The following SUCLA2 variants were observed in gnomAD, a reference collection of about 807,000 sequenced individuals.
SUCLA2 encodes succinate--CoA ligase [ADP-forming] subunit beta, mitochondrial.
Under a neutral mutation model 54.8 loss-of-function variants are expected in SUCLA2, and 30 were observed. That is an observed-to-expected ratio of 0.55 (90% CI 0.41 to 0.74). The LOEUF (loss-of-function observed/expected upper bound fraction) is 0.74, where lower values mean the gene tolerates loss of function less well. Among genes scored for constraint, SUCLA2 ranks in the 30% least tolerant of loss-of-function variants. The probability of loss-of-function intolerance (pLI) is 0.00; values close to 1 mark genes in which losing one functional copy is unlikely to be tolerated. For missense variants in SUCLA2, 476 were observed against 562.9 expected, an observed-to-expected ratio of 0.85 and a Z score of 1.56; for synonymous variants, 172 against 188.9, an observed-to-expected ratio of 0.91 and a Z score of 0.74.
intron 8 of SUCLA2, among the ~76,000 whole-genome samples, chr13:47,950,140 T>A (rs968370212): frequency 3.9e-5 from 6 of 152,182 alleles, no homozygotes; most frequent in Non-Finnish European, 8.8e-5. Context: ...ATAACCCTTA[T>A]AAAGAAACAA....
chr13:47,984,319 G>A (rs533639121), intron 4 of SUCLA2, among the ~76,000 whole-genome samples: 138 of 151,182 alleles, frequency 9.1e-4, no homozygotes, highest in Non-Finnish European at 1.6e-3. Flanking sequence ...TCAGCCTCCC[G>A]AGTAGCTGGG....
chr13:47,984,583 A>C (rs1950086520), intron 4 of SUCLA2, among the ~76,000 whole-genome samples: 1 of 152,038 alleles, frequency 6.6e-6, no homozygotes, highest in Non-Finnish European at 1.5e-5. Flanking sequence ...CTTAAATGTA[A>C]AAGGCTTAAA....
intron 4 of SUCLA2, among the ~76,000 whole-genome samples, chr13:47,975,148 TTTTC>T (rs1049988650): frequency 1.3e-5 from 2 of 151,330 alleles, no homozygotes; most frequent in African/African-American, 2.4e-5. Flanking sequence ...CTAATTCCAC[TTTTC>T]TTTCTTTCTT....
At chr13:47,960,427 A>G (rs1593483360) in intron 6 of SUCLA2, among the ~76,000 whole-genome samples, 1 of 152,330 alleles carries the variant, frequency 6.6e-6, no homozygotes, top group East Asian at 1.9e-4. Context: ...ACACACAAAA[A>G]TAATAATAAA....
At chr13:47,978,654 C>A (rs956621998) in intron 4 of SUCLA2, among the ~76,000 whole-genome samples, 1 of 152,134 alleles carries the variant, frequency 6.6e-6, no homozygotes, top group East Asian at 1.9e-4. Flanking sequence ...CAGCAAAAGA[C>A]AAAATTGACA....
At chr13:47,952,756 C>T (rs1949786614) in intron 8 of SUCLA2, among the ~76,000 whole-genome samples, 1 of 152,102 alleles carries the variant, frequency 6.6e-6, no homozygotes, top group Non-Finnish European at 1.5e-5. Flanking sequence ...AACTCCTTAA[C>T]TATAGATAAT....
At chr13:47,943,781 T>TATATATA (rs879516106) in intron 10 of SUCLA2, among the ~76,000 whole-genome samples, 1 of 147,620 alleles carries the variant, frequency 6.8e-6, no homozygotes, top group Non-Finnish European at 1.5e-5. Context: ...TATATATATA[T>TATATATA]TATTCTAAAT....
chr13:47,943,781 T>TATATATATATATATATATA (rs879516106), intron 10 of SUCLA2, among the ~76,000 whole-genome samples: 6 of 147,580 alleles, frequency 4.1e-5, no homozygotes, highest in South Asian at 4.3e-4. Flanking sequence ...TATATATATA[T>TATATATATATATATATATA]TATTCTAAAT....
At chr13:47,963,351 C>A (rs1485008448) in intron 6 of SUCLA2, among the ~76,000 whole-genome samples, 4 of 152,112 alleles carry the variant, frequency 2.6e-5, no homozygotes. Flanking sequence ...TTTTTAAAAA[C>A]ACAGATAGAA....
intron 10 of SUCLA2, among the ~76,000 whole-genome samples, chr13:47,943,766 G>GTATATATATATATATATATATATATA (rs1555255588): frequency 9.5e-4 from 132 of 139,590 alleles, no homozygotes; most frequent in Middle Eastern, 3.8e-3. Context: ...GTGTGTGTGT[G>GTATATATATATATATATATATATATA]TATATATATA....
At chr13:47,972,162 G>A (rs1214596080) in intron 5 of SUCLA2, 7 of 294,868 alleles carry the variant, frequency 2.4e-5, no homozygotes, top group Non-Finnish European at 4.4e-5. Context: ...GGCTGAGGCA[G>A]GAGAATAGCT....
chr13:47,990,134 G>A (rs1001016731), intron 2 of SUCLA2, among the ~76,000 whole-genome samples: 2 of 152,136 alleles, frequency 1.3e-5, no homozygotes, highest in Non-Finnish European at 2.9e-5. Context: ...GGTCACATGA[G>A]GCCAGGAGTT....
chr13:47,995,020 T>G (rs569849450), intron 2 of SUCLA2: 4 of 226,592 alleles, frequency 1.8e-5, no homozygotes, highest in Non-Finnish European at 2.9e-5. Flanking sequence ...GGAATTTCAC[T>G]AAATGAGAAA....
In SUCLA2 at chr13:47,949,497, A is replaced by C; in HGVS notation, c.1214T>G (p.Val405Gly). 1 of 1,613,598 alleles carries C rather than the reference A, an allele frequency of 6.2e-7. No homozygotes were observed. Among genetic ancestry groups the C allele is most frequent in the Non-Finnish European group, 8.5e-7 (1 of 1,179,634 alleles). Residue 405 changes from valine to glycine, a missense_variant, in exon 9 of 11, where the codon GTG becomes GGG. Val to Gly is a moderately radical substitution (Grantham distance 109, BLOSUM62 -3). Coordinates refer to ENST00000646932, the MANE Select transcript of SUCLA2 (RefSeq NM_003850.3). Reference protein sequence around the residue: ...VKDLEIKIPVVVRLQGTRVDD... With the variant: ...VKDLEIKIPVGVRLQGTRVDD... ...TTTATACTCACCTTGTAACCGTACC[A>C]CAACAGGTATTTTAATTTCCAAGTC...
At chr13:47,990,352 G>C (rs1330967282) in intron 2 of SUCLA2, among the ~76,000 whole-genome samples, 1 of 152,062 alleles carries the variant, frequency 6.6e-6, no homozygotes, top group Non-Finnish European at 1.5e-5. Flanking sequence ...TCTCAAAAGA[G>C]TAAATGCTCT....
At chr13:47,944,198 T>C (rs1949710978) in intron 10 of SUCLA2, among the ~76,000 whole-genome samples, 1 of 152,134 alleles carries the variant, frequency 6.6e-6, no homozygotes, top group East Asian at 1.9e-4. Flanking sequence ...GCCTGTTTCT[T>C]CATCTATAAA....
At chr13:47,957,091 C>T (rs561699076) in intron 6 of SUCLA2, among the ~76,000 whole-genome samples, 3 of 152,308 alleles carry the variant, frequency 2.0e-5, no homozygotes, top group South Asian at 4.1e-4. Context: ...CAGATCACCA[C>T]ATCCAGACAA....
intron 1 of SUCLA2, among the ~76,000 whole-genome samples, chr13:47,999,173 A>G (rs569257878): frequency 6.6e-6 from 1 of 150,590 alleles, no homozygotes; most frequent in East Asian, 2.0e-4. Flanking sequence ...GTCTCATCCC[A>G]GTTTAAATTT....
intron 10 of SUCLA2, 27 bp downstream of exon 10, chr13:47,948,913 C>G (rs373065572): frequency 1.7e-4 from 272 of 1,602,116 alleles, no homozygotes; most frequent in Non-Finnish European, 2.2e-4. Context: ...TTTATAAATC[C>G]TCCTTAGATG....
Sources: gnomAD v4.1 joint callset for allele counts (sites outside exome capture counted in the v4.1 genomes callset) on GRCh38, gnomAD v4.1.1 for gene constraint, MANE v1.5 for transcripts, NCBI Gene and HGNC (gene_info 2026-07-23, HGNC 2026-07-21) for gene names.